The following EDA variants were observed in gnomAD, a reference collection of about 807,000 sequenced individuals.
The protein encoded by EDA is ectodysplasin A, also known as ectodysplasin-A.
A neutral mutation model predicts 23.6 loss-of-function variants in EDA; 2 were observed. That is an observed-to-expected ratio of 0.08 (90% CI 0.03 to 0.27). EDA has a LOEUF of 0.27. Ranked by LOEUF, EDA falls within the 10% of genes least tolerant of loss-of-function variation. The pLI is 1.00. For missense variants in EDA, 229 were observed against 324.2 expected, an observed-to-expected ratio of 0.71 and a Z score of 2.26; for synonymous variants, 131 against 132.0, an observed-to-expected ratio of 0.99 and a Z score of 0.05.
Position 69,665,379 on chromosome X carries a change from C to A in EDA, c.396+48675C>A, listed in dbSNP as rs1004570128. On this transcript the variant is annotated intron_variant, in intron 1 of 7. Coordinates refer to ENST00000374552, the MANE Select transcript of EDA (RefSeq NM_001399.5). ...GCTTTTAGTGTGATATGTAAAAAAT[C>A]ATTGTCAAGGCCAACATCCAGGAGC... is the stretch of plus-strand genomic sequence containing the variant. Among the ~76,000 whole-genome samples the A allele has an allele frequency of 7.2e-5, 8 of 111,699 alleles. No individual in the cohort carries two copies. The Admixed American group carries it at 7.6e-4, about 11-fold the overall frequency.
chrX:69,703,023 C>A (rs745665677), intron 1 of EDA, among the ~76,000 whole-genome samples: 1 of 109,093 alleles, frequency 9.2e-6, no homozygotes, highest in Non-Finnish European at 1.9e-5. Context: ...TTTCCCATAA[C>A]GGAGGGTAGG....
At chrX:69,912,232 T>C (rs893607302) in intron 1 of EDA, among the ~76,000 whole-genome samples, 25 of 112,056 alleles carry the variant, frequency 2.2e-4, no homozygotes, top group Non-Finnish European at 3.8e-4. Context: ...CATTTGCAGT[T>C]ACTTCCTCCA....
At chrX:69,798,707 A>C (rs2015603575) in intron 1 of EDA, among the ~76,000 whole-genome samples, 1 of 111,820 alleles carries the variant, frequency 8.9e-6, no homozygotes, top group Non-Finnish European at 1.9e-5. Context: ...TGCCTACTTC[A>C]AAAAAGTAGA....
intron 1 of EDA, among the ~76,000 whole-genome samples, chrX:69,635,457 T>A (rs1204657520): frequency 9.0e-6 from 1 of 111,103 alleles, no homozygotes; most frequent in Non-Finnish European, 1.9e-5. Context: ...TCCTCCCCTG[T>A]TCATCTCAGT....
chrX:69,787,894 C>G (rs1171852212), intron 1 of EDA, among the ~76,000 whole-genome samples: 7 of 111,809 alleles, frequency 6.3e-5, no homozygotes, highest in Non-Finnish European at 1.1e-4. Flanking sequence ...TGTTTTCCAA[C>G]TTGGCTCCAT....
intron 1 of EDA, among the ~76,000 whole-genome samples, chrX:69,694,155 G>C (rs956840091): frequency 8.9e-6 from 1 of 111,884 alleles, no homozygotes; most frequent in Non-Finnish European, 1.9e-5. Context: ...AGGCTTTAAG[G>C]ACTTGAGAAA....
chrX:69,849,077 C>CTA (rs1184214344), intron 1 of EDA, among the ~76,000 whole-genome samples: 2,063 of 41,157 alleles, frequency 0.05, 27 homozygotes, highest in Non-Finnish European at 0.086. Flanking sequence ...CACACAAAGT[C>CTA]TATATACACA....
intron 1 of EDA, among the ~76,000 whole-genome samples, chrX:69,837,615 A>T (rs770820193): frequency 8.9e-6 from 1 of 112,712 alleles, no homozygotes; most frequent in South Asian, 3.7e-4. Context: ...TGCTATAGAG[A>T]GTTGTCTATG....
At chrX:69,929,816 G>A (rs1397382883) in intron 1 of EDA, among the ~76,000 whole-genome samples, 1 of 105,584 alleles carries the variant, frequency 9.5e-6, no homozygotes, top group African/African-American at 3.4e-5. Flanking sequence ...ACTTAAGCCT[G>A]TCCCTCCCAC....
At chrX:69,788,996 G>A (rs995723273) in intron 1 of EDA, among the ~76,000 whole-genome samples, 1 of 112,785 alleles carries the variant, frequency 8.9e-6, no homozygotes, top group African/African-American at 3.2e-5. Context: ...ATCTCGTGGT[G>A]CCCCGTTTTT....
At chrX:69,617,026 C>T in intron 1 of EDA, 1 of 412,740 alleles carries the variant, frequency 2.4e-6, no homozygotes, top group South Asian at 4.8e-5. Flanking sequence ...CGACTAACGG[C>T]TTGGCCCTTC....
At chrX:69,967,897 T>C (rs1204999529) in intron 2 of EDA, among the ~76,000 whole-genome samples, 1 of 111,772 alleles carries the variant, frequency 8.9e-6, no homozygotes, top group Admixed American at 9.5e-5. Context: ...TTGGCAACGC[T>C]GGTGAGAGCA....
intron 1 of EDA, among the ~76,000 whole-genome samples, chrX:69,788,247 G>A (rs868404707): frequency 1.4e-4 from 16 of 111,943 alleles, no homozygotes; most frequent in African/African-American, 2.9e-4. Flanking sequence ...ATTTCCTCCC[G>A]TAGCTCGGAG....
At chrX:69,705,281 C>T (rs764662155) in intron 1 of EDA, among the ~76,000 whole-genome samples, 1 of 109,643 alleles carries the variant, frequency 9.1e-6, no homozygotes, top group East Asian at 2.9e-4. Context: ...CAGAGGCTTT[C>T]TGAGTTCCCC....
intron 1 of EDA, among the ~76,000 whole-genome samples, chrX:69,841,450 C>G (rs2016893186): frequency 9.0e-6 from 1 of 111,627 alleles, no homozygotes; most frequent in African/African-American, 3.3e-5. Flanking sequence ...AGTAGTTCTC[C>G]CACTTCAGCC....
chrX:69,973,681 G>A (rs933571661), intron 2 of EDA, among the ~76,000 whole-genome samples: 3 of 111,432 alleles, frequency 2.7e-5, no homozygotes, highest in Admixed American at 9.6e-5. Flanking sequence ...CTTATACAGC[G>A]TCAAAATCTA....
chrX:69,884,574 A>G (rs1304619757), intron 1 of EDA, among the ~76,000 whole-genome samples: 1 of 112,744 alleles, frequency 8.9e-6, no homozygotes, highest in Non-Finnish European at 1.9e-5. Context: ...AATCAGAATC[A>G]TATAAACTCT....
intron 2 of EDA, among the ~76,000 whole-genome samples, chrX:69,983,890 T>C (rs1309709052): frequency 1.8e-5 from 2 of 109,018 alleles, no homozygotes; most frequent in Admixed American, 2.0e-4. Flanking sequence ...CCTCAGCAAA[T>C]GTAAAAGAAC....
intron 1 of EDA, among the ~76,000 whole-genome samples, chrX:69,662,068 T>G (rs1468636266): frequency 9.0e-6 from 1 of 111,552 alleles, no homozygotes; most frequent in Non-Finnish European, 1.9e-5. Flanking sequence ...ATCTCTAGAC[T>G]TGTTTATCCT....
Sources: allele counts gnomAD v4.1 joint callset (sites outside exome capture counted in the v4.1 genomes callset), GRCh38; gene constraint gnomAD v4.1.1; transcripts MANE v1.5; gene names NCBI Gene and HGNC (gene_info 2026-07-23, HGNC 2026-07-21).